Variants in ARL5A observed in about 807,000 individuals in gnomAD.
ARL5A encodes the protein ARF like GTPase 5A, also known as ADP-ribosylation factor-like protein 5A.
ARL5A carries 18 observed loss-of-function variants against 25.9 expected under a neutral mutation model. The observed-to-expected ratio is 0.69, with a 90% CI of 0.48 to 1.03. The LOEUF is 1.03. Ranked by LOEUF, ARL5A falls within the 50% of genes least tolerant of loss-of-function variation. The probability of loss-of-function intolerance (pLI) is 0.00; values close to 1 mark genes in which losing one functional copy is unlikely to be tolerated. For missense variants in ARL5A, 170 were observed against 211.9 expected, an observed-to-expected ratio of 0.80 and a Z score of 1.23; for synonymous variants, 61 against 67.5, an observed-to-expected ratio of 0.90 and a Z score of 0.47.
rs58107156 is a variant in ARL5A at position 151,823,433 on chromosome 2, G to GA, written c.46+4697dup. ...TTTTCTTTTGCACTATGAGGTTGCT[G>GA]AAAAAAAAAAGCAATGATTACACAT... On this transcript the variant is annotated intron_variant, in intron 1 of 5. Coordinates refer to ENST00000295087, the MANE Select transcript of ARL5A (RefSeq NM_012097.4). Among the ~76,000 whole-genome samples the GA allele has an allele frequency of 3.7e-4, 55 of 146,700 alleles. No homozygotes were observed. In the East Asian group the frequency reaches 5.1e-3, roughly 14 times the overall value.
chr2:151,817,311 A>G (rs1206568970), intron 1 of ARL5A, among the ~76,000 whole-genome samples: 1 of 152,236 alleles, frequency 6.6e-6, no homozygotes, highest in African/African-American at 2.4e-5. Flanking sequence ...TTAATGAGGC[A>G]TCTTCAACTG....
At chr2:151,824,469 T>G (rs930863087) in intron 1 of ARL5A, among the ~76,000 whole-genome samples, 1 of 142,026 alleles carries the variant, frequency 7.0e-6, no homozygotes, top group African/African-American at 2.8e-5. Flanking sequence ...CTCTACACAT[T>G]TAAACTCCCT....
intron 3 of ARL5A, among the ~76,000 whole-genome samples, chr2:151,813,417 T>C (rs533390315): frequency 6.6e-6 from 1 of 152,350 alleles, no homozygotes; most frequent in African/African-American, 2.4e-5. Flanking sequence ...TGGCATGAAT[T>C]TGAAACCTAT....
At chr2:151,810,501 T>A (rs1373476638) in intron 4 of ARL5A, 1 of 409,096 alleles carries the variant, frequency 2.4e-6, no homozygotes, top group Admixed American at 2.7e-5. Flanking sequence ...TCTCTGGTCA[T>A]CTCCTCATTC....
In ARL5A at chr2:151,802,555, T is replaced by C. The variant is rs1454509583; in HGVS notation, c.*721A>G. 2 of 152,220 alleles carry C rather than the reference T, an allele frequency of 1.3e-5. No homozygotes were observed. The highest frequency in any genetic ancestry group is 2.9e-5 in the Non-Finnish European group (2 of 67,964). 9.4% of individuals were successfully genotyped at this position (152,220 alleles called of 1,614,324 possible). ...ATTACATGTTTCCATGTGTGTGATT[T>C]TGGTCAACAACAAAAAATCGATACA... On this transcript the variant is annotated 3_prime_UTR_variant, in exon 6 of 6. Coordinates refer to ENST00000295087, the MANE Select transcript of ARL5A (RefSeq NM_012097.4).
intron 4 of ARL5A, among the ~76,000 whole-genome samples, chr2:151,809,262 C>T (rs776532407): frequency 5.9e-5 from 9 of 152,084 alleles, no homozygotes; most frequent in Non-Finnish European, 8.8e-5. Flanking sequence ...TTAGGACACA[C>T]GGTTTATATT....
chr2:151,815,016 A>G, intron 2 of ARL5A, 123 bp downstream of exon 2: 2 of 739,114 alleles, frequency 2.7e-6, no homozygotes, highest in South Asian at 3.4e-5. Flanking sequence ...TTTATAGCCA[A>G]CCTGCTTTCT....
At position 151,802,457 on chromosome 2, in the gene ARL5A, T is replaced by C. The variant is rs150122870; in HGVS notation, c.*819A>G. On this transcript the variant is annotated 3_prime_UTR_variant, in exon 6 of 6. Coordinates refer to ENST00000295087, the MANE Select transcript of ARL5A (RefSeq NM_012097.4). The stretch of plus-strand genomic sequence containing the variant: ...AGAACCACTGAAAGGAATAATCTGA[T>C]AGTTGCTCATTGTACAATCCTGCCT... 4.6e-5 allele frequency: 7 copies of C among 152,242 alleles called. No homozygotes were observed. The East Asian group carries it at 1.4e-3, about 29-fold the overall frequency. 9.4% of individuals were successfully genotyped at this position (152,242 alleles called of 1,614,324 possible).
At chr2:151,808,940 TG>T (rs910654624) in intron 4 of ARL5A, among the ~76,000 whole-genome samples, 1 of 152,084 alleles carries the variant, frequency 6.6e-6, no homozygotes, top group Non-Finnish European at 1.5e-5. Flanking sequence ...CTCAGCTACT[TG>T]GGAGGCTGAG....
chr2:151,812,776 G>C (rs1178684424), intron 3 of ARL5A, among the ~76,000 whole-genome samples: 1 of 151,828 alleles, frequency 6.6e-6, no homozygotes, highest in Non-Finnish European at 1.5e-5. Context: ...ATATGATCCT[G>C]AATTTATTAC....
chr2:151,815,174 C>T lies in ARL5A; in HGVS notation c.72G>A (p.Leu24=), dbSNP rs763944827. ...GAATGGTAGTTTTCCCTGCATTATC[C>T]AGCCCAACAATGATAACTTTGTGCT... ...HQEHKVIIVG[L]DNAGKTTILY... is the part of the protein sequence containing the mutation. Residue 24 remains leucine, a synonymous_variant, in exon 2 of 6, where the codon CTG becomes CTA. Transcript: ENST00000295087. 1 of 1,607,334 alleles carries T rather than the reference C, an allele frequency of 6.2e-7. No individual in the cohort carries two copies. Among genetic ancestry groups the T allele is most frequent in the East Asian group, 2.2e-5 (1 of 44,660 alleles).
At chr2:151,826,928 C>CTGTGTG (rs202078189) in intron 1 of ARL5A, among the ~76,000 whole-genome samples, 2,754 of 150,864 alleles carry the variant, frequency 0.018, 84 homozygotes, top group African/African-American at 0.06. Flanking sequence ...ACCTACACAT[C>CTGTGTG]TGTGTGTGTG....
chr2:151,810,265 T>C (rs2099830666), intron 4 of ARL5A: 1 of 153,422 alleles, frequency 6.5e-6, no homozygotes. Context: ...CAGTTTTGTA[T>C]TTTGTAATAA....
At chr2:151,803,459 T>C (rs898256370) in intron 5 of ARL5A, 135 bp from the exon 6 acceptor site, 9 of 677,884 alleles carry the variant, frequency 1.3e-5, no homozygotes, top group Admixed American at 7.3e-5. Context: ...TAATATTCAG[T>C]GCTTGGGCTG....
chr2:151,811,498 T>A (rs751295887), intron 4 of ARL5A, among the ~76,000 whole-genome samples: 131 of 152,198 alleles, frequency 8.6e-4, no homozygotes, highest in Non-Finnish European at 1.5e-3. Context: ...TTCAGTTTTT[T>A]AAATTTATGT....
rs1305584129 is a variant in ARL5A, at chr2:151,799,137, C to T, written c.*4139G>A. On this transcript the variant is annotated 3_prime_UTR_variant, in exon 6 of 6. Coordinates refer to ENST00000295087, the MANE Select transcript of ARL5A (RefSeq NM_012097.4). ...TTATCATGGTCTTAAAATAATCTAT[C>T]GCACATTCTTTGAGGGAGCATGATA... 1 of 152,136 alleles carries T rather than the reference C, an allele frequency of 6.6e-6. No homozygotes were observed. The highest frequency in any genetic ancestry group is 1.5e-5 in the Non-Finnish European group (1 of 68,026). The allele number at this position is 152,136 out of a possible 1,614,324, so 9.4% of individuals were successfully genotyped here. A position where few individuals can be genotyped will look rare whatever the true frequency, so the allele number is the denominator to read the frequency against.
At chr2:151,813,093 A>G (rs1293922204) in intron 3 of ARL5A, among the ~76,000 whole-genome samples, 1 of 152,252 alleles carries the variant, frequency 6.6e-6, no homozygotes, top group Non-Finnish European at 1.5e-5. Flanking sequence ...CAAAAGCAAG[A>G]GATCAGCAGG....
intron 1 of ARL5A, chr2:151,827,831 G>A: frequency 2.3e-6 from 1 of 430,552 alleles, no homozygotes; most frequent in Non-Finnish European, 4.1e-6. Flanking sequence ...GCTACTCAGG[G>A]ACGTCGGACC....
chr2:151,819,822 G>A (rs553556717), intron 1 of ARL5A, among the ~76,000 whole-genome samples: 3 of 151,208 alleles, frequency 2.0e-5, no homozygotes, highest in African/African-American at 4.9e-5. Flanking sequence ...TTGGGAGGCC[G>A]AGGCAGGTGG....
Sources: allele counts gnomAD v4.1 joint callset (sites outside exome capture counted in the v4.1 genomes callset), GRCh38; gene constraint gnomAD v4.1.1; transcripts MANE v1.5; gene names NCBI Gene and HGNC (gene_info 2026-07-23, HGNC 2026-07-21).